PET117: variants seen among roughly 807,000 people sequenced by gnomAD.
PET117 encodes PET117 cytochrome c oxidase chaperone.
In PET117, 10 loss-of-function variants were observed where a neutral mutation model predicts 9.2. The observed-to-expected ratio is 1.09, with a 90% CI of 0.67 to 1.85. The LOEUF (loss-of-function observed/expected upper bound fraction) is 1.85, where lower values mean the gene tolerates loss of function less well. Ranked by LOEUF, PET117 falls within the 40% of genes most tolerant of loss-of-function variation. The pLI is 0.00. For missense variants in PET117, 96 were observed against 98.2 expected (o/e 0.98, Z 0.09); for synonymous variants, 43 against 37.1 (o/e 1.16, Z -0.57).
At position 18,143,144 on chromosome 20, in the gene PET117, C is replaced by A; in HGVS notation, c.*787C>A. On this transcript the variant is annotated 3_prime_UTR_variant, in exon 2 of 2. Transcript: ENST00000432901. ...GTTAAATTAACACTTTTGGTGGTAA[C>A]TCAATAAAATTGAGAAAATTGGAAA... 1 of 1,267,014 alleles carries A rather than the reference C, an allele frequency of 7.9e-7. No individual in the cohort carries two copies. The highest frequency in any genetic ancestry group is 1.0e-6 in the Non-Finnish European group (1 of 1,002,640). 78.5% of individuals were successfully genotyped at this position (1,267,014 alleles called of 1,614,324 possible). A position where few individuals can be genotyped will look rare whatever the true frequency, so the allele number is the denominator to read the frequency against.
Position 18,142,964 on chromosome 20 carries a change from AG to A in PET117, c.*609del, listed in dbSNP as rs747614022. On this transcript the variant is annotated 3_prime_UTR_variant, in exon 2 of 2. Coordinates refer to ENST00000432901, the MANE Select transcript of PET117 (RefSeq NM_001164811.2). ...CTTTGATTTGTCAATTCCTGTGTGAAGGTTTGTTTTTCCAACCTGTGAAAGA... is the reference window on the plus strand; with the variant it reads ...CTTTGATTTGTCAATTCCTGTGTGAAGTTTGTTTTTCCAACCTGTGAAAGA... The A allele has an allele frequency of 1.3e-6, 2 of 1,595,722 alleles. No homozygotes were observed. Among genetic ancestry groups the A allele is most frequent in the Non-Finnish European group, 1.7e-6 (2 of 1,166,266 alleles).
intron 1 of PET117, chr20:18,138,388 C>A: frequency 9.6e-7 from 1 of 1,046,970 alleles, no homozygotes; most frequent in Non-Finnish European, 1.1e-6. Context: ...CAAGTCACAG[C>A]CGGCCCGCAG....
chr20:18,138,050 A>C lies in PET117; in HGVS notation c.95A>C (p.Gln32Pro), dbSNP rs1257417286. 4.1e-6 allele frequency: 6 copies of C among 1,481,270 alleles called. No homozygotes were observed. The highest frequency in any genetic ancestry group is 1.5e-5 in the African/African-American group (1 of 68,256). The allele number at this position is 1,481,270 out of a possible 1,614,324, so 91.8% of individuals were successfully genotyped here. The stretch of plus-strand genomic sequence containing the variant: ...CATGTGAAGCAGCAGTGGGACCAGC[A>C]GGTCGGTGTCACGTGACCGTCTCTT... ...GVHVKQQWDQ[Q>P]RLRDGVIRDI... is the part of the protein sequence containing the mutation. The change falls in exon 1 of 2, where the codon CAG becomes CCG. Residue 32 changes from glutamine (Q) to proline (P), a missense_variant and splice_region_variant. Coordinates refer to ENST00000432901, the MANE Select transcript of PET117 (RefSeq NM_001164811.2).
intron 1 of PET117, among the ~76,000 whole-genome samples, chr20:18,141,191 C>T (rs1358795670): frequency 6.6e-6 from 1 of 151,700 alleles, no homozygotes; most frequent in East Asian, 1.9e-4. Context: ...GGCCTAAAAC[C>T]TTTAGAGTAT....
chr20:18,138,096 T>G (rs1205190), intron 1 of PET117, 45 bp downstream of exon 1: 1,398,841 of 1,430,600 alleles, frequency 0.98, 683,937 homozygotes, highest in East Asian at 1. Context: ...GCGCGCGGCG[T>G]CGACCTGGGG....
rs772989570 is a variant in PET117, at chr20:18,137,950, G to A, written c.-6G>A. The A allele has an allele frequency of 4.0e-5, 60 of 1,485,198 alleles. No individual in the cohort carries two copies. The highest frequency in any genetic ancestry group is 2.0e-4 in the Middle Eastern group (1 of 5,024). 92.0% of individuals were successfully genotyped at this position (1,485,198 alleles called of 1,614,324 possible). A position where few individuals can be genotyped will look rare whatever the true frequency, so the allele number is the denominator to read the frequency against. On this transcript the variant is annotated 5_prime_UTR_variant, in exon 1 of 2. It adds an upstream start codon to the 5' untranslated region. Coordinates refer to ENST00000432901, the MANE Select transcript of PET117 (RefSeq NM_001164811.2). ...GGAGAGAGAGGCCGCGGCCGCCAGC[G>A]TGGGGATGTCTAGGAGCTCGAAGGT... is the stretch of plus-strand genomic sequence containing the variant.
intron 1 of PET117, chr20:18,138,310 C>T: frequency 3.4e-6 from 4 of 1,174,870 alleles, no homozygotes; most frequent in Non-Finnish European, 4.2e-6. Flanking sequence ...TGGAGCTCCG[C>T]GCTGAAGGGG....
intron 1 of PET117, among the ~76,000 whole-genome samples, chr20:18,140,834 A>AG: frequency 6.7e-6 from 1 of 149,386 alleles, no homozygotes; most frequent in East Asian, 2.0e-4. Context: ...AAAAAAAAAA[A>AG]AACCAATAAA....
rs58888387 is a variant in PET117 at position 18,141,051 on chromosome 20, T to TTTTTTG, written c.97-1156_97-1155insTTTTGT. ...TTTTTTTTTTTTTTTTTTTTTATTT[T>TTTTTTG]TATTTTTGCTAGAGATGGGATTTTG... On this transcript the variant is annotated intron_variant, in intron 1 of 1. Transcript: ENST00000432901. Among the ~76,000 whole-genome samples the TTTTTTG allele has an allele frequency of 2.2e-4, 24 of 109,696 alleles. 2 individuals carry two copies. Among genetic ancestry groups the TTTTTTG allele is most frequent in the South Asian group, 9.7e-4 (3 of 3,086 alleles). The allele number at this position is 109,696 out of a possible 152,430, so 72.0% of individuals were successfully genotyped here.
chr20:18,142,869 A>G lies in PET117; in HGVS notation c.*512A>G. 1 of 1,614,194 alleles carries G rather than the reference A, an allele frequency of 6.2e-7. No individual in the cohort carries two copies. Among genetic ancestry groups the G allele is most frequent in the Non-Finnish European group, 8.5e-7 (1 of 1,180,038 alleles). On this transcript the variant is annotated 3_prime_UTR_variant, in exon 2 of 2. Transcript: ENST00000432901. ...GATGAAGGAGACGTGTCTTGGATGGAGGAGCAGCTGTCCTACTTCTGTGAC... is the reference window on the plus strand; with the variant it reads ...GATGAAGGAGACGTGTCTTGGATGGGGGAGCAGCTGTCCTACTTCTGTGAC...
intron 1 of PET117, among the ~76,000 whole-genome samples, chr20:18,141,031 T>TTTTA (rs1219134714): frequency 1.2e-4 from 2 of 16,086 alleles, no homozygotes; most frequent in Non-Finnish European, 1.7e-4. Context: ...CAATTTTTTT[T>TTTTA]TTTTTTTTTT....
At chr20:18,138,399 G>C in intron 1 of PET117, 1 of 1,038,590 alleles carries the variant, frequency 9.6e-7, no homozygotes, top group Non-Finnish European at 1.2e-6. Context: ...CGGCCCGCAG[G>C]GTGCGGACCT....
At position 18,142,975 on chromosome 20, in the gene PET117, T is replaced by C; in HGVS notation, c.*618T>C. 6.3e-7 allele frequency: 1 copy of C among 1,588,284 alleles called. No individual in the cohort carries two copies. On this transcript the variant is annotated 3_prime_UTR_variant, in exon 2 of 2. Coordinates refer to ENST00000432901, the MANE Select transcript of PET117 (RefSeq NM_001164811.2). ...CAATTCCTGTGTGAAGGTTTGTTTT[T>C]CCAACCTGTGAAAGAAACGTGAATG...
chr20:18,139,740 A>G (rs1330579037), intron 1 of PET117, among the ~76,000 whole-genome samples: 1 of 151,892 alleles, frequency 6.6e-6, no homozygotes, highest in Non-Finnish European at 1.5e-5. Context: ...TAGCAGTGGG[A>G]AAGACTAGGA....
In PET117 at chr20:18,137,939, C is replaced by T. The variant is rs977136477; in HGVS notation, c.-17C>T. On this transcript the variant is annotated 5_prime_UTR_variant, in exon 1 of 2. Transcript: ENST00000432901. ...TCGGGCGGGCGGGAGAGAGAGGCCGCGGCCGCCAGCGTGGGGATGTCTAGG... is the reference window on the plus strand; with the variant it reads ...TCGGGCGGGCGGGAGAGAGAGGCCGTGGCCGCCAGCGTGGGGATGTCTAGG... 1.4e-5 allele frequency: 21 copies of T among 1,477,190 alleles called. No individual in the cohort carries two copies. The highest frequency in any genetic ancestry group is 1.8e-5 in the Non-Finnish European group (20 of 1,121,854). The allele number at this position is 1,477,190 out of a possible 1,614,324, so 91.5% of individuals were successfully genotyped here.
rs764287975 is a variant in PET117, at chr20:18,142,358, C to T, written c.*1C>T. On this transcript the variant is annotated 3_prime_UTR_variant, in exon 2 of 2. Coordinates refer to ENST00000432901, the MANE Select transcript of PET117 (RefSeq NM_001164811.2). ...GGCAAAAGGATCTCAAAAATCATGA[C>T]TTGAATGTGAAATATCTGTTGGACA... 3.8e-5 allele frequency: 59 copies of T among 1,535,644 alleles called. 2 individuals carry two copies. In the South Asian group the frequency reaches 3.9e-4, roughly 10 times the overall value.
intron 1 of PET117, among the ~76,000 whole-genome samples, chr20:18,138,946 A>G (rs1428712017): frequency 2.0e-5 from 3 of 152,216 alleles, no homozygotes; most frequent in Non-Finnish European, 4.4e-5. Context: ...TCAGAAAACA[A>G]CTTGGCAGTG....
rs773537680 is a variant in PET117, at chr20:18,142,944, AT to A, written c.*590del. On this transcript the variant is annotated 3_prime_UTR_variant, in exon 2 of 2. Coordinates refer to ENST00000432901, the MANE Select transcript of PET117 (RefSeq NM_001164811.2). ...AGTAAGGAGCTTCTCAATTCCTTTG[AT>A]TTGTCAATTCCTGTGTGAAGGTTTG... is the stretch of plus-strand genomic sequence containing the variant. The A allele has an allele frequency of 1.2e-6, 2 of 1,607,968 alleles. No homozygotes were observed. Among genetic ancestry groups the A allele is most frequent in the Non-Finnish European group, 1.7e-6 (2 of 1,174,896 alleles).
At chr20:18,138,350 CT>C in intron 1 of PET117, 1 of 1,094,378 alleles carries the variant, frequency 9.1e-7, no homozygotes, top group East Asian at 5.3e-5. Flanking sequence ...GGCACGCAAG[CT>C]TTTGGGGTGC....
Sources: allele counts gnomAD v4.1 joint callset (sites outside exome capture counted in the v4.1 genomes callset), GRCh38; gene constraint gnomAD v4.1.1; transcripts MANE v1.5; gene names NCBI Gene and HGNC (gene_info 2026-07-23, HGNC 2026-07-21).